Variants in TEX11 observed in about 807,000 individuals in gnomAD.
TEX11 encodes the protein testis expressed 11, also known as testis-expressed protein 11.
A neutral mutation model predicts 84.4 loss-of-function variants in TEX11; 7 were observed. The ratio of observed to expected loss-of-function variants is 0.08; its 90% confidence interval spans 0.05 to 0.16. The LOEUF is 0.16. Among genes scored for constraint, TEX11 ranks in the 10% least tolerant of loss-of-function variants. The probability of loss-of-function intolerance (pLI) is 1.00; values close to 1 mark genes in which losing one functional copy is unlikely to be tolerated. For synonymous variants in TEX11, 264 were observed against 222.8 expected, an observed-to-expected ratio of 1.18 and a Z score of -1.64; for missense variants, 551 against 660.5, an observed-to-expected ratio of 0.83 and a Z score of 1.82.
At chrX:70,683,272 G>C (rs1237451227) in intron 13 of TEX11, among the ~76,000 whole-genome samples, 1 of 112,160 alleles carries the variant, frequency 8.9e-6, no homozygotes, top group Non-Finnish European at 1.9e-5. Context: ...CGGGTTGGAA[G>C]ACTAAATATT....
At chrX:70,719,591 G>A (rs7473263) in intron 13 of TEX11, among the ~76,000 whole-genome samples, 7,782 of 111,301 alleles carry the variant, frequency 0.07, 230 homozygotes, top group East Asian at 0.12. Flanking sequence ...GCAACCTACA[G>A]AATGGGAGAA....
Position 70,806,805 on chromosome X carries a change from A to G in TEX11, c.607-15T>C. On this transcript the variant is annotated splice_polypyrimidine_tract_variant and intron_variant, in intron 8 of 29. Coordinates refer to ENST00000374333, the MANE Select transcript of TEX11 (RefSeq NM_031276.3). ...AGACTTGAAGTCTGCAATATAAAAA[A>G]AATGCATTAGATTCATGATTTCCTT... 1 of 1,110,943 alleles carries G rather than the reference A, an allele frequency of 9.0e-7. No homozygotes were observed. Among genetic ancestry groups the G allele is most frequent in the African/African-American group, 1.8e-5 (1 of 55,540 alleles). The allele number at this position is 1,110,943 out of a possible 1,213,427, so 91.6% of individuals were successfully genotyped here. A position where few individuals can be genotyped will look rare whatever the true frequency, so the allele number is the denominator to read the frequency against.
intron 25 of TEX11, among the ~76,000 whole-genome samples, chrX:70,570,835 G>A (rs1243258830): frequency 8.9e-6 from 1 of 111,732 alleles, no homozygotes; most frequent in Non-Finnish European, 1.9e-5. Context: ...TTGGCATAAA[G>A]TTGTTCACAA....
At chrX:70,832,901 G>A (rs1035418929) in intron 8 of TEX11, among the ~76,000 whole-genome samples, 2 of 111,493 alleles carry the variant, frequency 1.8e-5, no homozygotes, top group African/African-American at 6.5e-5. Flanking sequence ...TTCTTTTGTT[G>A]TATAGCATGA....
intron 13 of TEX11, among the ~76,000 whole-genome samples, chrX:70,688,402 A>G (rs2090206319): frequency 8.9e-6 from 1 of 111,785 alleles, no homozygotes; most frequent in East Asian, 2.8e-4. Context: ...CCAATAGGTA[A>G]ATAGATAAAC....
chrX:70,841,723 T>C (rs2091445735), intron 7 of TEX11, among the ~76,000 whole-genome samples: 1 of 111,661 alleles, frequency 9.0e-6, no homozygotes. Flanking sequence ...ACGAAATTGA[T>C]AGACCGCTAG....
chrX:70,866,363 C>A (rs1244429568), intron 4 of TEX11, among the ~76,000 whole-genome samples: 4 of 107,812 alleles, frequency 3.7e-5, no homozygotes, highest in Non-Finnish European at 7.7e-5. Context: ...CTGAATAGAC[C>A]ACTAACAAGT....
At chrX:70,744,744 T>C (rs2090757497) in intron 9 of TEX11, among the ~76,000 whole-genome samples, 1 of 110,550 alleles carries the variant, frequency 9.0e-6, no homozygotes, top group East Asian at 2.8e-4. Flanking sequence ...GGAGTCTCAT[T>C]CTGTCACCCA....
intron 10 of TEX11, among the ~76,000 whole-genome samples, chrX:70,742,395 T>C (rs2090739176): frequency 9.2e-6 from 1 of 108,679 alleles, no homozygotes; most frequent in Non-Finnish European, 1.9e-5. Context: ...TTAATTGTGG[T>C]AAAATACACA....
chrX:70,708,099 A>G lies in TEX11; in HGVS notation c.1004+14519T>C, dbSNP rs1005051109. 2.7e-5 allele frequency among the ~76,000 whole-genome samples: 3 copies of G among 111,415 alleles called. No individual in the cohort carries two copies. The East Asian group carries it at 8.4e-4, about 31-fold the overall frequency. On this transcript the variant is annotated intron_variant, in intron 13 of 29. Transcript: ENST00000374333. ...AAGGTGATTTTTTAAAAAAATCAACAAGCAAAAAACAAATAGCCTCATTAA... is the reference window on the plus strand; with the variant it reads ...AAGGTGATTTTTTAAAAAAATCAACGAGCAAAAAACAAATAGCCTCATTAA...
At chrX:70,845,902 T>G (rs1159767855) in intron 7 of TEX11, among the ~76,000 whole-genome samples, 1 of 111,306 alleles carries the variant, frequency 9.0e-6, no homozygotes, top group Non-Finnish European at 1.9e-5. Flanking sequence ...CAGATAACCA[T>G]CACACTTCGA....
chrX:70,751,486 G>T (rs1419161245), intron 9 of TEX11, among the ~76,000 whole-genome samples: 10 of 71,875 alleles, frequency 1.4e-4, no homozygotes, highest in Non-Finnish European at 2.3e-4. Context: ...CCTGTTGTGG[G>T]GTGGGGGGAG....
At chrX:70,598,699 A>G (rs1332160180) in intron 24 of TEX11, among the ~76,000 whole-genome samples, 1 of 112,366 alleles carries the variant, frequency 8.9e-6, no homozygotes, top group Admixed American at 9.4e-5. Context: ...AAGAAATGAA[A>G]CACTGATACA....
chrX:70,606,589 C>T (rs2089197466), intron 23 of TEX11, among the ~76,000 whole-genome samples: 1 of 111,745 alleles, frequency 8.9e-6, no homozygotes, highest in Admixed American at 9.5e-5. Context: ...GACTTATTCC[C>T]ATAACTCTTC....
intron 25 of TEX11, among the ~76,000 whole-genome samples, chrX:70,568,240 T>C (rs948201678): frequency 9.0e-6 from 1 of 111,374 alleles, no homozygotes; most frequent in Non-Finnish European, 1.9e-5. Flanking sequence ...CTGCCTTTGT[T>C]TGTTTTCCAT....
At chrX:70,741,472 G>C (rs1602088160) in intron 10 of TEX11, among the ~76,000 whole-genome samples, 2 of 110,664 alleles carry the variant, frequency 1.8e-5, no homozygotes, top group South Asian at 3.9e-4. Flanking sequence ...GGAACTTTTG[G>C]GGGTGTTGGG....
chrX:70,568,565 A>T (rs2088532319), intron 25 of TEX11, among the ~76,000 whole-genome samples: 1 of 110,387 alleles, frequency 9.1e-6, no homozygotes, highest in South Asian at 4.0e-4. Flanking sequence ...TTCCATGTTT[A>T]GTGCTTCCTT....
At chrX:70,731,847 C>CAA (rs2090654772) in intron 11 of TEX11, among the ~76,000 whole-genome samples, 1 of 110,732 alleles carries the variant, frequency 9.0e-6, no homozygotes. Flanking sequence ...AGAGACACAA[C>CAA]CAAAAAAGAG....
At chrX:70,770,303 C>T (rs1338192649) in intron 9 of TEX11, among the ~76,000 whole-genome samples, 1 of 111,989 alleles carries the variant, frequency 8.9e-6, no homozygotes, top group Non-Finnish European at 1.9e-5. Context: ...TATAAGACCT[C>T]TGGTGATATA....
Sources: allele counts gnomAD v4.1 joint callset (sites outside exome capture counted in the v4.1 genomes callset), GRCh38; gene constraint gnomAD v4.1.1; transcripts MANE v1.5; gene names NCBI Gene and HGNC (gene_info 2026-07-23, HGNC 2026-07-21).